The following CSMD1 variants were observed in gnomAD, a reference collection of about 807,000 sequenced individuals.
CSMD1 encodes the protein CUB and sushi domain-containing protein 1.
CSMD1 carries 213 observed loss-of-function variants against 417.5 expected under a neutral mutation model. That is an observed-to-expected ratio of 0.51 (90% CI 0.46 to 0.57). The LOEUF is 0.57. CSMD1 is among the 20% of genes least tolerant of loss of function. CSMD1 has a pLI of 0.00. For missense variants in CSMD1, 6,923 were observed against 4,529.7 expected, an observed-to-expected ratio of 1.53 and a Z score of -15.17; for synonymous variants, 2,862 against 1,736.8, an observed-to-expected ratio of 1.65 and a Z score of -16.11.
At chr8:4,759,453 T>C (rs1004009827) in intron 1 of CSMD1, among the ~76,000 whole-genome samples, 1 of 152,192 alleles carries the variant, frequency 6.6e-6, no homozygotes, top group African/African-American at 2.4e-5. Flanking sequence ...ATGTGCAGAT[T>C]TGTTACACAG....
At chr8:4,985,546 T>G (rs1178625225) in intron 1 of CSMD1, among the ~76,000 whole-genome samples, 1 of 152,194 alleles carries the variant, frequency 6.6e-6, no homozygotes, top group African/African-American at 2.4e-5. Context: ...TCCCCAGTCA[T>G]CATTGTTAAG....
chr8:3,310,210 C>T (rs1385483551), intron 23 of CSMD1, among the ~76,000 whole-genome samples: 1 of 152,146 alleles, frequency 6.6e-6, no homozygotes, highest in Non-Finnish European at 1.5e-5. Flanking sequence ...GAAGACAGGG[C>T]AGAAAGGAAG....
rs1418991186 is a variant in CSMD1 at position 3,194,205 on chromosome 8, T to C, written c.5195-4090A>G. ...CTTGACACAAATGTGAGTTTTTAGA[T>C]GTGGAAAACCAACTAAGCCATATAA... On this transcript the variant is annotated intron_variant, in intron 33 of 69. Coordinates refer to ENST00000635120, the MANE Select transcript of CSMD1 (RefSeq NM_033225.6). Among the ~76,000 whole-genome samples the C allele has an allele frequency of 2.6e-5, 4 of 152,228 alleles. No individual in the cohort carries two copies. The East Asian group carries it at 7.7e-4, about 29-fold the overall frequency.
chr8:4,420,121 A>AG (rs57225627), intron 2 of CSMD1, 56 bp from the exon 3 acceptor site: 14 of 1,303,678 alleles, frequency 1.1e-5, no homozygotes, highest in Non-Finnish European at 1.4e-5. Context: ...TGTCAAAAAA[A>AG]GCTTATTTGA....
chr8:4,290,113 G>A (rs949448799), intron 3 of CSMD1, among the ~76,000 whole-genome samples: 1 of 152,102 alleles, frequency 6.6e-6, no homozygotes, highest in Non-Finnish European at 1.5e-5. Flanking sequence ...AAAACCAAAC[G>A]GAATCAAATA....
At chr8:4,925,267 G>A (rs1352035275) in intron 1 of CSMD1, among the ~76,000 whole-genome samples, 1 of 120,040 alleles carries the variant, frequency 8.3e-6, no homozygotes, top group Non-Finnish European at 1.6e-5. Context: ...TTGGTTCTGG[G>A]AAGGGGCTCA....
intron 3 of CSMD1, among the ~76,000 whole-genome samples, chr8:4,388,525 G>A (rs986628550): frequency 6.6e-6 from 1 of 151,694 alleles, no homozygotes; most frequent in Non-Finnish European, 1.5e-5. Context: ...GGCATAAGAA[G>A]GATACAGTGG....
Position 3,814,640 on chromosome 8 carries a change from G to C in CSMD1, c.819-60598C>G, listed in dbSNP as rs189669643. On this transcript the variant is annotated intron_variant, in intron 5 of 69. Transcript: ENST00000635120. ...CACACAGAACGGCCTCCCAAACAAA[G>C]AGCTATCCAACCTCAAATGTGAATA... 3.9e-5 allele frequency among the ~76,000 whole-genome samples: 6 copies of C among 152,264 alleles called. No homozygotes were observed. In the East Asian group the frequency reaches 7.7e-4, roughly 20 times the overall value.
At chr8:3,715,297 C>T (rs1439034030) in intron 6 of CSMD1, among the ~76,000 whole-genome samples, 1 of 152,166 alleles carries the variant, frequency 6.6e-6, no homozygotes, top group African/African-American at 2.4e-5. Context: ...TGCTGATACA[C>T]TGTAAACATC....
intron 1 of CSMD1, among the ~76,000 whole-genome samples, chr8:4,901,133 A>G (rs1423907552): frequency 1.3e-5 from 2 of 152,230 alleles, no homozygotes; most frequent in Non-Finnish European, 2.9e-5. Context: ...CAGCAATTGC[A>G]TGTTCAAAGT....
At chr8:3,822,555 T>G (rs1480994015) in intron 5 of CSMD1, among the ~76,000 whole-genome samples, 2 of 152,196 alleles carry the variant, frequency 1.3e-5, no homozygotes, top group African/African-American at 4.8e-5. Context: ...AATTCTTTGC[T>G]TCCGCCTCTA....
chr8:3,367,932 G>GT (rs1202162265), intron 19 of CSMD1, among the ~76,000 whole-genome samples: 1 of 152,136 alleles, frequency 6.6e-6, no homozygotes, highest in Non-Finnish European at 1.5e-5. Context: ...CTCTAAACAG[G>GT]TGTCCTTTAG....
chr8:3,509,681 C>A (rs1461676587), intron 10 of CSMD1, among the ~76,000 whole-genome samples: 1 of 152,178 alleles, frequency 6.6e-6, no homozygotes, highest in Admixed American at 6.5e-5. Context: ...ACAAAAGATG[C>A]TTAATCATCT....
intron 6 of CSMD1, among the ~76,000 whole-genome samples, chr8:3,744,318 A>T (rs1453564636): frequency 6.6e-6 from 1 of 152,046 alleles, no homozygotes; most frequent in Non-Finnish European, 1.5e-5. Flanking sequence ...GAGAGCATCT[A>T]CTCTGCCTGT....
chr8:4,089,587 T>C (rs1002347199), intron 3 of CSMD1, among the ~76,000 whole-genome samples: 17 of 152,172 alleles, frequency 1.1e-4, no homozygotes, highest in African/African-American at 3.9e-4. Flanking sequence ...ATACCTCTTC[T>C]CTCAAAGGTT....
chr8:4,764,605 G>A (rs900522648), intron 1 of CSMD1, among the ~76,000 whole-genome samples: 1 of 151,732 alleles, frequency 6.6e-6, no homozygotes, highest in Non-Finnish European at 1.5e-5. Flanking sequence ...CTAAAAAAGA[G>A]TGGAAAGATT....
chr8:3,585,541 A>G (rs1800563311), intron 9 of CSMD1, among the ~76,000 whole-genome samples: 1 of 152,164 alleles, frequency 6.6e-6, no homozygotes, highest in East Asian at 1.9e-4. Flanking sequence ...TTCTGGTAAG[A>G]ATTTGTGTAT....
intron 3 of CSMD1, among the ~76,000 whole-genome samples, chr8:4,084,082 C>A (rs1338160433): frequency 2.0e-5 from 3 of 152,048 alleles, no homozygotes; most frequent in Non-Finnish European, 4.4e-5. Context: ...ATGAAAATGG[C>A]TAGTAATATT....
intron 2 of CSMD1, among the ~76,000 whole-genome samples, chr8:4,528,269 T>G (rs1398365656): frequency 6.6e-6 from 1 of 152,164 alleles, no homozygotes; most frequent in African/African-American, 2.4e-5. Flanking sequence ...CAAGTCCAAT[T>G]AATCCCTACC....
Sources: allele counts gnomAD v4.1 joint callset (sites outside exome capture counted in the v4.1 genomes callset), GRCh38; gene constraint gnomAD v4.1.1; transcripts MANE v1.5; gene names NCBI Gene and HGNC (gene_info 2026-07-23, HGNC 2026-07-21).